CEP85: variants seen among roughly 807,000 people sequenced by gnomAD.
CEP85 encodes centrosomal protein of 85 kDa.
In CEP85, 58 loss-of-function variants were observed where a neutral mutation model predicts 93.7. The observed-to-expected ratio is 0.62, with a 90% CI of 0.50 to 0.77. The LOEUF (loss-of-function observed/expected upper bound fraction) is 0.77, where lower values mean the gene tolerates loss of function less well. Among genes scored for constraint, CEP85 ranks in the 30% least tolerant of loss-of-function variants. The pLI is 0.00. For missense variants in CEP85, 868 were observed against 922.0 expected, an observed-to-expected ratio of 0.94 and a Z score of 0.76; for synonymous variants, 314 against 338.6, an observed-to-expected ratio of 0.93 and a Z score of 0.80.
rs200186206 is a variant in CEP85 at position 26,255,392 on chromosome 1, C to G, written c.430C>G (p.Leu144Val). ...CGGTGCAATGAAACATTCTCCAGGC[C>G]TATCTAGAGATCTCATGTATTTCTC... Reference protein sequence around the residue: ...DLGAMKHSPGLSRDLMYFSGA... With the variant: ...DLGAMKHSPGVSRDLMYFSGA... Residue 144 changes from leucine (L) to valine (V), a missense_variant, in exon 4 of 14, where the codon CTA becomes GTA. By Grantham distance (32) the Leu-to-Val change is conservative. Transcript: ENST00000451429. 1.8e-4 allele frequency: 287 copies of G among 1,613,972 alleles called. No homozygotes were observed. Among genetic ancestry groups the G allele is most frequent in the Non-Finnish European group, 2.6e-5 (31 of 1,180,014 alleles).
chr1:26,263,253 T>A, intron 7 of CEP85: 2 of 331,522 alleles, frequency 6.0e-6, no homozygotes, highest in South Asian at 6.1e-5. Context: ...GAAGATCTTA[T>A]AAGGAAGTGC....
chr1:26,236,423 C>A (rs1278411193), intron 1 of CEP85, among the ~76,000 whole-genome samples: 1 of 150,890 alleles, frequency 6.6e-6, no homozygotes, highest in African/African-American at 2.4e-5. Context: ...CTGTCTGCCT[C>A]CATTCACTCC....
intron 7 of CEP85, chr1:26,263,287 C>A: frequency 2.9e-6 from 1 of 345,142 alleles, no homozygotes; most frequent in Admixed American, 3.2e-5. Flanking sequence ...TTTTGCAAGT[C>A]CCTCACTATT....
intron 3 of CEP85, among the ~76,000 whole-genome samples, chr1:26,245,450 C>T (rs2089495375): frequency 6.6e-6 from 1 of 152,126 alleles, no homozygotes; most frequent in African/African-American, 2.4e-5. Context: ...TATTCAAGAT[C>T]CAGCAAATGT....
chr1:26,250,396 T>C (rs1480828361), intron 3 of CEP85, among the ~76,000 whole-genome samples: 1 of 152,202 alleles, frequency 6.6e-6, no homozygotes, highest in Non-Finnish European at 1.5e-5. Flanking sequence ...TGCCTGATGA[T>C]CTGAGGTGGA....
At chr1:26,270,781 C>G (rs544500951) in intron 9 of CEP85, among the ~76,000 whole-genome samples, 8 of 152,104 alleles carry the variant, frequency 5.3e-5, no homozygotes, top group Non-Finnish European at 1.0e-4. Flanking sequence ...GAGCCTTGGG[C>G]AGGTAGAGAA....
Position 26,237,528 on chromosome 1 carries a change from C to T in CEP85, c.-22-2234C>T, listed in dbSNP as rs370533653. Among the ~76,000 whole-genome samples the T allele has an allele frequency of 3.8e-4, 58 of 152,294 alleles. 1 individual carries two copies. The highest frequency in any genetic ancestry group is 1.4e-3 in the African/African-American group (58 of 41,558). On this transcript the variant is annotated intron_variant, in intron 1 of 13. Transcript: ENST00000451429. Reference sequence around the variant, plus strand: ...CATGTTGTCACATGTATCAGTACTTCCTTTTATTGCTGAATAATACTCTGT... The same window carrying T: ...CATGTTGTCACATGTATCAGTACTTTCTTTTATTGCTGAATAATACTCTGT...
At chr1:26,276,986 A>G (rs1304220495) in intron 13 of CEP85, 150 bp from the exon 14 acceptor site, 1 of 926,842 alleles carries the variant, frequency 1.1e-6, no homozygotes, top group African/African-American at 1.7e-5. Context: ...GTGGACCTTC[A>G]GCAGCAAATT....
At chr1:26,248,889 G>A (rs553694890) in intron 3 of CEP85, among the ~76,000 whole-genome samples, 18 of 151,790 alleles carry the variant, frequency 1.2e-4, no homozygotes, top group African/African-American at 4.3e-4. Flanking sequence ...ACTACGCCCG[G>A]CTAATTTTTT....
At chr1:26,271,177 G>C (rs1031395768) in intron 10 of CEP85, 70 bp downstream of exon 10, 71 of 979,726 alleles carry the variant, frequency 7.2e-5, no homozygotes, top group Non-Finnish European at 1.1e-4. Context: ...TATTAGGAGG[G>C]ATACGTGAAT....
chr1:26,256,928 G>GTGTGTGTGTGTGTGTGTGT (rs199539021), intron 4 of CEP85, among the ~76,000 whole-genome samples: 1,700 of 111,448 alleles, frequency 0.015, 44 homozygotes, highest in Non-Finnish European at 0.024. Flanking sequence ...GTTTTGTTTT[G>GTGTGTGTGTGTGTGTGTGT]GTGTGTGTGT....
At chr1:26,275,534 C>T (rs987024628) in intron 12 of CEP85, among the ~76,000 whole-genome samples, 2 of 152,182 alleles carry the variant, frequency 1.3e-5, no homozygotes, top group African/African-American at 4.8e-5. Flanking sequence ...CCACTTTGGC[C>T]TCCCAAAGTG....
At chr1:26,276,399 G>A (rs2090052661) in intron 12 of CEP85, 136 bp from the exon 13 acceptor site, 1 of 690,524 alleles carries the variant, frequency 1.4e-6, no homozygotes, top group Non-Finnish European at 2.6e-6. Context: ...CTAAAAGCCT[G>A]TTGGCAGGGG....
chr1:26,256,956 T>A (rs2089715450), intron 4 of CEP85, among the ~76,000 whole-genome samples: 1 of 149,526 alleles, frequency 6.7e-6, no homozygotes, highest in African/African-American at 2.5e-5. Context: ...TGTGTGTGTG[T>A]TTTGGAGACA....
intron 7 of CEP85, among the ~76,000 whole-genome samples, chr1:26,260,921 G>A (rs1341177044): frequency 6.6e-6 from 1 of 151,766 alleles, no homozygotes; most frequent in Non-Finnish European, 1.5e-5. Flanking sequence ...CTCCCAAGTA[G>A]TTGGGATTAC....
chr1:26,274,017 T>G (rs2090017640), intron 11 of CEP85, among the ~76,000 whole-genome samples: 1 of 57,956 alleles, frequency 1.7e-5, no homozygotes, highest in Admixed American at 1.5e-4. Context: ...GGTGTTTTCC[T>G]TAGCAGTTTT....
At chr1:26,265,546 G>A (rs1011793281) in intron 7 of CEP85, among the ~76,000 whole-genome samples, 1 of 152,162 alleles carries the variant, frequency 6.6e-6, no homozygotes, top group Admixed American at 6.5e-5. Context: ...TGATGGGGAA[G>A]CCCAGGGTGA....
intron 6 of CEP85, among the ~76,000 whole-genome samples, chr1:26,259,308 G>T (rs958231553): frequency 2.6e-5 from 4 of 152,150 alleles, no homozygotes; most frequent in African/African-American, 9.7e-5. Context: ...TTGCTTTAAG[G>T]CAGTGGTTCT....
intron 11 of CEP85, among the ~76,000 whole-genome samples, chr1:26,273,901 A>AAAATAAATAAAT (rs1553161625): frequency 0.012 from 1,628 of 141,430 alleles, 19 homozygotes; most frequent in African/African-American, 0.032. Context: ...ACCCCATCTC[A>AAAATAAATAAAT]AAATAAATAA....
Sources: gnomAD v4.1 joint callset for allele counts (sites outside exome capture counted in the v4.1 genomes callset) on GRCh38, gnomAD v4.1.1 for gene constraint, MANE v1.5 for transcripts, NCBI Gene and HGNC (gene_info 2026-07-23, HGNC 2026-07-21) for gene names.